Variants in RWDD2A observed in about 807,000 individuals in gnomAD.
RWDD2A encodes the protein RWD domain containing 2A, also known as RWD domain-containing protein 2A.
A neutral mutation model predicts 23.1 loss-of-function variants in RWDD2A; 15 were observed. The observed-to-expected ratio is 0.65, with a 90% CI of 0.43 to 1.00. RWDD2A has a LOEUF of 1.00. Ranked by LOEUF, RWDD2A falls within the 50% of genes least tolerant of loss-of-function variation. The pLI is 0.00. For missense variants in RWDD2A, 310 were observed against 341.7 expected, an observed-to-expected ratio of 0.91 and a Z score of 0.73; for synonymous variants, 103 against 123.0, an observed-to-expected ratio of 0.84 and a Z score of 1.08.
At chr6:83,193,490 C>G (rs949026692) in intron 1 of RWDD2A, 47 bp downstream of exon 1, 2 of 152,196 alleles carry the variant, frequency 1.3e-5, no homozygotes, top group Non-Finnish European at 2.9e-5. Context: ...GGGTCGCGGG[C>G]CCTCAGAGCA....
In RWDD2A at chr6:83,194,328, T is replaced by G. The variant is rs1789456454; in HGVS notation, c.-124T>G. 5.3e-6 allele frequency: 4 copies of G among 754,906 alleles called. No homozygotes were observed. 46.8% of individuals were successfully genotyped at this position (754,906 alleles called of 1,614,324 possible). On this transcript the variant is annotated 5_prime_UTR_variant, in exon 2 of 3. Coordinates refer to ENST00000369724, the MANE Select transcript of RWDD2A (RefSeq NM_033411.5). ...TGCCCCTAGCTCTCGGTGCAAAGCG[T>G]TCCTGCAGAATTGCTTCCACGTAAA...
At chr6:83,194,785 C>G (rs1789493021) in intron 2 of RWDD2A, 133 bp downstream of exon 2, 1 of 672,316 alleles carries the variant, frequency 1.5e-6, no homozygotes, top group Non-Finnish European at 2.5e-6. Context: ...ACGGAATGCT[C>G]TATAAATTGT....
At chr6:83,194,869 G>A (rs566997630) in intron 2 of RWDD2A, among the ~76,000 whole-genome samples, 9 of 152,166 alleles carry the variant, frequency 5.9e-5, no homozygotes, top group African/African-American at 1.9e-4. Context: ...TTTTATTGAC[G>A]CTATCTTGCA....
At chr6:83,193,585 C>CT (rs977438858) in intron 1 of RWDD2A, 142 bp downstream of exon 1, 1 of 152,058 alleles carries the variant, frequency 6.6e-6, no homozygotes, top group Non-Finnish European at 1.5e-5. Flanking sequence ...GCCGGGGTTC[C>CT]TAGTGGTCTT....
At chr6:83,195,478 A>G (rs1789542133) in intron 2 of RWDD2A, 117 bp from the exon 3 acceptor site, 3 of 825,464 alleles carry the variant, frequency 3.6e-6, no homozygotes, top group East Asian at 5.4e-5. Context: ...TCATGTATGT[A>G]AAGTACCTGG....
rs1789573678 is a variant in RWDD2A, at chr6:83,195,988, G to A, written c.595G>A (p.Gly199Ser). 1.2e-6 allele frequency: 2 copies of A among 1,614,056 alleles called. No homozygotes were observed. Among genetic ancestry groups the A allele is most frequent in the South Asian group, 1.1e-5 (1 of 91,078 alleles). Residue 199 changes from glycine (G) to serine (S), a missense_variant, in exon 3 of 3, where the codon GGT becomes AGT. By Grantham distance (56) the Gly-to-Ser change is moderately conservative (BLOSUM62 0). Transcript: ENST00000369724. ...AAAGCCTGGTATAATCTGTGTGGAG[G>A]GTTTCAAAGAGCACTGTGAGGAGTT... ...TGKPGIICVE[G>S]FKEHCEEFWH...
chr6:83,195,488 G>C, intron 2 of RWDD2A, 107 bp from the exon 3 acceptor site: 1 of 888,724 alleles, frequency 1.1e-6, no homozygotes, highest in Non-Finnish European at 1.7e-6. Flanking sequence ...AAAGTACCTG[G>C]TACATTTAAT....
chr6:83,195,745 C>A lies in RWDD2A; in HGVS notation c.352C>A (p.Leu118Ile). 3.7e-6 allele frequency: 6 copies of A among 1,614,160 alleles called. No individual in the cohort carries two copies. The highest frequency in any genetic ancestry group is 5.1e-6 in the Non-Finnish European group (6 of 1,180,040). The change falls in exon 3 of 3, where the codon CTC (leucine) becomes ATC (isoleucine). Residue 118 changes from leucine to isoleucine, a missense_variant. Physicochemically the swap from Leu to Ile is conservative, Grantham distance 5. Transcript: ENST00000369724. Reference protein sequence around the residue: ...SYIGTFDPGELCVCAAIQWLQ... With the variant: ...SYIGTFDPGEICVCAAIQWLQ... ...CATAGGGACTTTTGATCCAGGTGAGCTCTGTGTATGTGCAGCAATCCAGTG... is the reference window on the plus strand; with the variant it reads ...CATAGGGACTTTTGATCCAGGTGAGATCTGTGTATGTGCAGCAATCCAGTG...
Position 83,195,810 on chromosome 6 carries a change from G to T in RWDD2A, c.417G>T (p.Lys139Asn). ...GTGCATCTTATTTCCTGAACAGAAA[G>T]CTTGTATATGAACCATCTACACAAG... ...DNSASYFLNR[K>N]LVYEPSTQAK... Residue 139 changes from lysine to asparagine, a missense_variant, in exon 3 of 3, where the codon AAG becomes AAT. Lys to Asn is a moderately conservative substitution (Grantham distance 94). Transcript: ENST00000369724. The T allele has an allele frequency of 6.2e-7, 1 of 1,614,024 alleles. No individual in the cohort carries two copies. The highest frequency in any genetic ancestry group is 1.3e-5 in the African/African-American group (1 of 74,958).
At chr6:83,194,120 G>A in intron 1 of RWDD2A, among the ~76,000 whole-genome samples, 192 bp from the exon 2 acceptor site, 1 of 152,072 alleles carries the variant, frequency 6.6e-6, no homozygotes, top group Admixed American at 6.6e-5. Context: ...CCTGCCACCT[G>A]CAGCGGGACA....
rs756675059 is a variant in RWDD2A, at chr6:83,195,535, A to AT, written c.202-58dup. 16 of 1,391,086 alleles carry AT rather than the reference A, an allele frequency of 1.2e-5. No individual in the cohort carries two copies. The East Asian group carries it at 3.5e-4, about 30-fold the overall frequency. The allele number at this position is 1,391,086 out of a possible 1,614,324, so 86.2% of individuals were successfully genotyped here. On this transcript the variant is annotated intron_variant, in intron 2 of 2. Transcript: ENST00000369724. ...CATTTCTCAAAATCATGCAGTTGCT[A>AT]TTGATAAACTAGCTTATGTGATGTT...
At position 83,197,359 on chromosome 6, in the gene RWDD2A, T is replaced by C. The variant is rs1017674327; in HGVS notation, c.*1087T>C. ...AAAATCTAATTCTACAGTCCGATGA[T>C]GTTACTGCCATCTCCTCTGAAAATT... On this transcript the variant is annotated 3_prime_UTR_variant, in exon 3 of 3. Coordinates refer to ENST00000369724, the MANE Select transcript of RWDD2A (RefSeq NM_033411.5). 1 of 152,234 alleles carries C rather than the reference T, an allele frequency of 6.6e-6. No individual in the cohort carries two copies. The highest frequency in any genetic ancestry group is 2.4e-5 in the African/African-American group (1 of 41,464). The allele number at this position is 152,234 out of a possible 1,614,324, so 9.4% of individuals were successfully genotyped here.
Position 83,196,876 on chromosome 6 carries a change from CAG to C in RWDD2A, c.*605_*606del, listed in dbSNP as rs1449539504. The C allele has an allele frequency of 6.6e-6, 1 of 152,150 alleles. No individual in the cohort carries two copies. The highest frequency in any genetic ancestry group is 1.5e-5 in the Non-Finnish European group (1 of 68,046). The allele number at this position is 152,150 out of a possible 1,614,324, so 9.4% of individuals were successfully genotyped here. On this transcript the variant is annotated 3_prime_UTR_variant, in exon 3 of 3. Transcript: ENST00000369724. ...CTAATTGTTATATTTTTAGTAGAGACAGGGTTTCATCATGTTGGCTAGGATGG... is the reference window on the plus strand; with the variant it reads ...CTAATTGTTATATTTTTAGTAGAGACGGTTTCATCATGTTGGCTAGGATGG...
Position 83,195,678 on chromosome 6 carries a change from C to T in RWDD2A, c.285C>T (p.Asp95=), listed in dbSNP as rs964341717. 1.9e-6 allele frequency: 3 copies of T among 1,614,214 alleles called. No homozygotes were observed. The highest frequency in any genetic ancestry group is 1.1e-5 in the South Asian group (1 of 91,088). The change falls in exon 3 of 3, where the codon GAC becomes GAT. Residue 95 remains aspartate, a synonymous_variant. Coordinates refer to ENST00000369724, the MANE Select transcript of RWDD2A (RefSeq NM_033411.5). The part of the protein sequence containing the change: ...LQLFGRSSEL[D]RHQQLLLNKG... ...TGTTTGGACGGTCATCTGAACTTGA[C>T]AGACATCAGCAGCTACTTCTCAACA...
intron 1 of RWDD2A, chr6:83,193,704 GTCATC>G (rs1437607105): frequency 7.9e-5 from 12 of 152,550 alleles, no homozygotes; most frequent in Admixed American, 7.8e-4. Flanking sequence ...CGACGTCGAG[GTCATC>G]TCCCAAACCT....
intron 1 of RWDD2A, 147 bp downstream of exon 1, chr6:83,193,590 G>C (rs957674356): frequency 6.6e-6 from 1 of 152,174 alleles, no homozygotes; most frequent in African/African-American, 2.4e-5. Context: ...GGTTCCTAGT[G>C]GTCTTGGCTA....
chr6:83,195,509 A>T, intron 2 of RWDD2A, 86 bp from the exon 3 acceptor site: 1 of 1,088,636 alleles, frequency 9.2e-7, no homozygotes, highest in Non-Finnish European at 1.3e-6. Flanking sequence ...AGTAGCAATA[A>T]CATTTCTCAA....
intron 2 of RWDD2A, 167 bp from the exon 3 acceptor site, chr6:83,195,428 T>A: frequency 1.6e-6 from 1 of 641,294 alleles, no homozygotes; most frequent in Non-Finnish European, 2.6e-6. Flanking sequence ...GCACACGTAG[T>A]TGTTCAATAA....
chr6:83,198,593 C>T lies in RWDD2A; in HGVS notation c.*2321C>T, dbSNP rs1166501321. The stretch of plus-strand genomic sequence containing the variant: ...TACACACACAGCTTATTTTGGGAAA[C>T]TGCCCCTTCCCTGTGTGATTTGGGA... On this transcript the variant is annotated 3_prime_UTR_variant, in exon 3 of 3. Coordinates refer to ENST00000369724, the MANE Select transcript of RWDD2A (RefSeq NM_033411.5). 6.6e-6 allele frequency: 1 copy of T among 152,160 alleles called. No individual in the cohort carries two copies. The highest frequency in any genetic ancestry group is 1.5e-5 in the Non-Finnish European group (1 of 68,034). 9.4% of individuals were successfully genotyped at this position (152,160 alleles called of 1,614,324 possible).
Sources: allele counts gnomAD v4.1 joint callset (sites outside exome capture counted in the v4.1 genomes callset), GRCh38; gene constraint gnomAD v4.1.1; transcripts MANE v1.5; gene names NCBI Gene and HGNC (gene_info 2026-07-23, HGNC 2026-07-21).